The following MBTPS2 variants were observed in gnomAD, a reference collection of about 807,000 sequenced individuals.
MBTPS2 encodes membrane bound transcription factor peptidase, site 2.
A neutral mutation model predicts 35.4 loss-of-function variants in MBTPS2; 2 were observed. The observed-to-expected ratio is 0.06, with a 90% confidence interval of 0.02 to 0.18. The LOEUF is 0.18. Ranked by LOEUF, MBTPS2 falls within the 10% of genes least tolerant of loss-of-function variation. The pLI, the probability that MBTPS2 is intolerant of heterozygous loss-of-function variation, is 1.00. For synonymous variants in MBTPS2, 125 were observed against 140.4 expected (o/e 0.89, Z 0.77); for missense variants, 244 against 386.5 (o/e 0.63, Z 3.09).
chrX:21,871,136 T>A (rs185451025), intron 7 of MBTPS2: 1 of 133,720 alleles, frequency 7.5e-6, no homozygotes, highest in African/African-American at 3.2e-5. Flanking sequence ...ATTTCCTCAA[T>A]ATAATATAAT....
Position 21,883,849 on chromosome X carries a change from T to C in MBTPS2, c.*1194T>C, listed in dbSNP as rs1373350386. The C allele has an allele frequency of 6.6e-6, 5 of 752,142 alleles. No individual in the cohort carries two copies. Among genetic ancestry groups the C allele is most frequent in the Non-Finnish European group, 7.8e-6 (5 of 639,095 alleles). 62.0% of individuals were successfully genotyped at this position (752,142 alleles called of 1,213,427 possible). ...GAAGAGCCACGCCTGCTTTGAGGTC[T>C]TTTGGAGTGGAGATGCAGCCCTGGG... On this transcript the variant is annotated 3_prime_UTR_variant, in exon 11 of 11. Coordinates refer to ENST00000379484, the MANE Select transcript of MBTPS2 (RefSeq NM_015884.4).
At position 21,853,366 on chromosome X, in the gene MBTPS2, G is replaced by A. The variant is rs1199493694; in HGVS notation, c.543-10G>A. The A allele has an allele frequency of 1.7e-6, 2 of 1,175,012 alleles. No homozygotes were observed. The highest frequency in any genetic ancestry group is 2.3e-6 in the Non-Finnish European group (2 of 865,208). On this transcript the variant is annotated splice_polypyrimidine_tract_variant and intron_variant, in intron 4 of 10. Coordinates refer to ENST00000379484, the MANE Select transcript of MBTPS2 (RefSeq NM_015884.4). ...ATTAGTAAACTCCTTTTTCTTATGT[G>A]ATTTCTTAGGGAACAAGTTCGATTT... is the stretch of plus-strand genomic sequence containing the variant.
intron 9 of MBTPS2, among the ~76,000 whole-genome samples, chrX:21,879,949 C>CTTTTTTTTTTTGTTT (rs2092957305): frequency 2.1e-5 from 1 of 47,425 alleles, no homozygotes; most frequent in Non-Finnish European, 3.3e-5. Context: ...TTATGTTATT[C>CTTTTTTTTTTTGTTT]TTTTTTTTTT....
intron 10 of MBTPS2, among the ~76,000 whole-genome samples, chrX:21,882,051 C>G (rs2092960107): frequency 8.9e-6 from 1 of 112,302 alleles, no homozygotes; most frequent in African/African-American, 3.2e-5. Flanking sequence ...GGACCAAAGT[C>G]TTTGTTTCCT....
At chrX:21,870,322 A>G (rs2092945802) in intron 7 of MBTPS2, 1 of 111,321 alleles carries the variant, frequency 9.0e-6, no homozygotes. Flanking sequence ...GCATGTCTGT[A>G]GATATATTAT....
chrX:21,869,464 G>A (rs377149441), intron 6 of MBTPS2, 34 bp from the exon 7 acceptor site: 11 of 1,088,851 alleles, frequency 1.0e-5, no homozygotes, highest in Non-Finnish European at 1.4e-5. Flanking sequence ...TTGTCTTCAT[G>A]CATTATCTGA....
At chrX:21,872,918 G>A (rs1181466586) in intron 7 of MBTPS2, 1 of 109,837 alleles carries the variant, frequency 9.1e-6, no homozygotes, top group African/African-American at 3.3e-5. Flanking sequence ...AGGTAACTTC[G>A]TTATCCTTCA....
chrX:21,842,885 A>C (rs1207656817), intron 1 of MBTPS2, among the ~76,000 whole-genome samples: 5 of 111,490 alleles, frequency 4.5e-5, no homozygotes, highest in Non-Finnish European at 9.4e-5. Flanking sequence ...GTCTTTTTAT[A>C]ATCCCTTAAA....
intron 7 of MBTPS2, among the ~76,000 whole-genome samples, chrX:21,875,335 C>T (rs1489224800): frequency 1.8e-5 from 2 of 112,159 alleles, no homozygotes; most frequent in African/African-American, 3.2e-5. Context: ...TCTGTCGATT[C>T]TGGGCCCCAA....
At position 21,862,916 on chromosome X, in the gene MBTPS2, A is replaced by AT. The variant is rs1238616480; in HGVS notation, c.671-5551_671-5550insT. On this transcript the variant is annotated intron_variant, in intron 5 of 10. Coordinates refer to ENST00000379484, the MANE Select transcript of MBTPS2 (RefSeq NM_015884.4). ...TATATATAAACATATATAAATATAT[A>AT]AACATATATATATAAACATATATAT... Among the ~76,000 whole-genome samples, 179 of 57,569 alleles carry AT rather than the reference A, an allele frequency of 3.1e-3. 3 individuals carry two copies. Among genetic ancestry groups the AT allele is most frequent in the African/African-American group, 9.3e-3 (174 of 18,684 alleles). The allele number at this position is 57,569 out of a possible 115,157, so 50.0% of individuals were successfully genotyped here.
At chrX:21,856,762 C>T in intron 5 of MBTPS2, 2 of 1,211,869 alleles carry the variant, frequency 1.7e-6, no homozygotes, top group South Asian at 3.5e-5. Flanking sequence ...TATTGCGACT[C>T]AGACAACCAG....
chrX:21,841,287 G>A (rs2092902263), intron 1 of MBTPS2, among the ~76,000 whole-genome samples: 1 of 111,665 alleles, frequency 9.0e-6, no homozygotes, highest in Non-Finnish European at 1.9e-5. Context: ...CAACCATGGT[G>A]GTGCATGCCT....
intron 5 of MBTPS2, among the ~76,000 whole-genome samples, chrX:21,867,486 C>CA (rs1475821770): frequency 9.0e-6 from 1 of 110,509 alleles, no homozygotes; most frequent in African/African-American, 3.3e-5. Flanking sequence ...TCCTTCTCCA[C>CA]AAAAAGAGTG....
At chrX:21,876,914 G>T (rs1439031770) in intron 7 of MBTPS2, among the ~76,000 whole-genome samples, 1 of 111,808 alleles carries the variant, frequency 8.9e-6, no homozygotes. Context: ...GAGAAACAGG[G>T]ATAATTTGGC....
At chrX:21,857,799 G>A (rs2092925453) in intron 5 of MBTPS2, 5 of 445,815 alleles carry the variant, frequency 1.1e-5, no homozygotes, top group Non-Finnish European at 1.8e-5. Context: ...CTTGACATAA[G>A]ATAATAGTGC....
At chrX:21,863,444 CAG>C (rs1218617900) in intron 5 of MBTPS2, among the ~76,000 whole-genome samples, 1 of 110,014 alleles carries the variant, frequency 9.1e-6, no homozygotes, top group African/African-American at 3.3e-5. Flanking sequence ...AAAATGATAA[CAG>C]TATGCTTACT....
chrX:21,863,550 ATTTT>A (rs1464578236), intron 5 of MBTPS2, among the ~76,000 whole-genome samples: 2 of 110,976 alleles, frequency 1.8e-5, no homozygotes, highest in Non-Finnish European at 3.8e-5. Flanking sequence ...GTCAGTGTGT[ATTTT>A]TTAGTAATTT....
intron 10 of MBTPS2, 32 bp downstream of exon 10, chrX:21,881,004 AGT>A: frequency 9.7e-7 from 1 of 1,033,163 alleles, no homozygotes; most frequent in Non-Finnish European, 1.4e-6. Flanking sequence ...ATGTTTTAAA[AGT>A]GTGTTACTTG....
At chrX:21,839,944 C>T (rs1183891913) in intron 1 of MBTPS2, 135 bp downstream of exon 1, 3 of 603,098 alleles carry the variant, frequency 5.0e-6, no homozygotes, top group African/African-American at 4.5e-5. Flanking sequence ...GTGGATCGGC[C>T]CGGTGGAGTA....
Sources: gnomAD v4.1 joint callset for allele counts (sites outside exome capture counted in the v4.1 genomes callset) on GRCh38, gnomAD v4.1.1 for gene constraint, MANE v1.5 for transcripts, NCBI Gene and HGNC (gene_info 2026-07-23, HGNC 2026-07-21) for gene names.